The following GUCY1A2 variants were observed in gnomAD, a reference collection of about 807,000 sequenced individuals.
GUCY1A2 encodes the protein guanylate cyclase soluble subunit alpha-2.
GUCY1A2 carries 27 observed loss-of-function variants against 63.5 expected under a neutral mutation model. The ratio of observed to expected loss-of-function variants is 0.43; its 90% CI spans 0.31 to 0.59. The LOEUF (loss-of-function observed/expected upper bound fraction) is 0.59, where lower values mean the gene tolerates loss of function less well. Ranked by LOEUF, GUCY1A2 falls within the 20% of genes least tolerant of loss-of-function variation. GUCY1A2 has a pLI of 0.11. For synonymous variants in GUCY1A2, 364 were observed against 343.5 expected (o/e 1.06, Z -0.66); for missense variants, 768 against 913.3 (o/e 0.84, Z 2.05).
At chr11:106,841,845 C>G (rs573510506) in intron 4 of GUCY1A2, among the ~76,000 whole-genome samples, 1 of 151,992 alleles carries the variant, frequency 6.6e-6, no homozygotes, top group South Asian at 2.1e-4. Context: ...TGAAACCTTT[C>G]CATTAGAATT....
chr11:106,800,513 A>T (rs1220644228), intron 5 of GUCY1A2, among the ~76,000 whole-genome samples: 2 of 152,206 alleles, frequency 1.3e-5, no homozygotes, highest in Non-Finnish European at 2.9e-5. Flanking sequence ...GATAGACTGG[A>T]TTAAGAAAAT....
intron 4 of GUCY1A2, among the ~76,000 whole-genome samples, chr11:106,860,273 T>C (rs1330257712): frequency 3.4e-5 from 5 of 148,582 alleles, no homozygotes; most frequent in South Asian, 2.1e-4. Context: ...AGTATGAACA[T>C]TGATTTTTTT....
chr11:106,708,464 CCCAAAACAAAGG>C, intron 7 of GUCY1A2, 36 bp downstream of exon 7: 1 of 1,514,724 alleles, frequency 6.6e-7, no homozygotes. Context: ...AGCATAGCAG[CCCAAAACAAAGG>C]CCAAGACAGG....
At chr11:107,003,581 T>G (rs936097010) in intron 1 of GUCY1A2, among the ~76,000 whole-genome samples, 8 of 152,206 alleles carry the variant, frequency 5.3e-5, no homozygotes, top group African/African-American at 1.9e-4. Flanking sequence ...CTCTATTTAT[T>G]AAATCAACTG....
intron 4 of GUCY1A2, among the ~76,000 whole-genome samples, chr11:106,926,685 T>C (rs990040601): frequency 3.3e-5 from 5 of 151,856 alleles, no homozygotes; most frequent in African/African-American, 9.7e-5. Flanking sequence ...TGTTATATGA[T>C]AGTGGTGAGA....
At chr11:106,788,335 G>T (rs1299157244) in intron 5 of GUCY1A2, among the ~76,000 whole-genome samples, 1 of 151,842 alleles carries the variant, frequency 6.6e-6, no homozygotes, top group Non-Finnish European at 1.5e-5. Flanking sequence ...CCATTCTGTG[G>T]GTTGTCTCTT....
intron 7 of GUCY1A2, among the ~76,000 whole-genome samples, chr11:106,695,558 T>A (rs974379363): frequency 6.6e-6 from 1 of 152,212 alleles, no homozygotes; most frequent in Non-Finnish European, 1.5e-5. Context: ...TTTTCCTATT[T>A]ACCTTCTTCT....
At chr11:106,830,016 C>T (rs1425497301) in intron 4 of GUCY1A2, among the ~76,000 whole-genome samples, 6 of 152,150 alleles carry the variant, frequency 3.9e-5, no homozygotes, top group African/African-American at 1.4e-4. Flanking sequence ...CCAGCTACGA[C>T]CATATGACCA....
chr11:106,775,376 G>A (rs1327535311), intron 6 of GUCY1A2, among the ~76,000 whole-genome samples: 5 of 151,988 alleles, frequency 3.3e-5, no homozygotes, highest in African/African-American at 1.2e-4. Context: ...AATAATTTGA[G>A]GATAGGATTG....
chr11:106,839,515 A>G (rs1420102535), intron 4 of GUCY1A2, among the ~76,000 whole-genome samples: 2 of 152,056 alleles, frequency 1.3e-5, no homozygotes, highest in Non-Finnish European at 2.9e-5. Flanking sequence ...CTGGGTATAT[A>G]CCCAAAGGAA....
chr11:106,836,134 T>C (rs951917888), intron 4 of GUCY1A2, among the ~76,000 whole-genome samples: 36 of 151,874 alleles, frequency 2.4e-4, no homozygotes, highest in African/African-American at 7.5e-4. Context: ...AAAAGTGCAG[T>C]TGGCCCTGGA....
At chr11:106,785,723 A>G (rs1294737429) in intron 5 of GUCY1A2, among the ~76,000 whole-genome samples, 1 of 152,196 alleles carries the variant, frequency 6.6e-6, no homozygotes, top group African/African-American at 2.4e-5. Flanking sequence ...TTAGATTCCC[A>G]GGCTCCACTT....
At chr11:106,806,120 A>G (rs903025793) in intron 5 of GUCY1A2, among the ~76,000 whole-genome samples, 2 of 152,122 alleles carry the variant, frequency 1.3e-5, no homozygotes, top group Non-Finnish European at 2.9e-5. Context: ...TAATCACATA[A>G]CACACATCCC....
intron 1 of GUCY1A2, among the ~76,000 whole-genome samples, chr11:107,008,185 A>G (rs1861697706): frequency 6.7e-6 from 1 of 148,204 alleles, no homozygotes; most frequent in African/African-American, 2.4e-5. Context: ...AGGCTGAGGC[A>G]GGAGAATCGC....
At chr11:106,953,237 T>C (rs1468263248) in intron 3 of GUCY1A2, among the ~76,000 whole-genome samples, 1 of 152,212 alleles carries the variant, frequency 6.6e-6, no homozygotes, top group Non-Finnish European at 1.5e-5. Context: ...CATGAAGCGA[T>C]GTTCAATTTT....
At chr11:106,818,287 C>A (rs768142098) in intron 4 of GUCY1A2, among the ~76,000 whole-genome samples, 1 of 152,136 alleles carries the variant, frequency 6.6e-6, no homozygotes, top group Non-Finnish European at 1.5e-5. Context: ...GTCTCTGTGT[C>A]ATATTTTGGC....
At chr11:106,919,641 T>C (rs553791773) in intron 4 of GUCY1A2, among the ~76,000 whole-genome samples, 1 of 152,056 alleles carries the variant, frequency 6.6e-6, no homozygotes, top group Non-Finnish European at 1.5e-5. Flanking sequence ...TCAGTTGAGA[T>C]CTGAAGGACA....
chr11:106,867,848 C>T (rs549361927), intron 4 of GUCY1A2, among the ~76,000 whole-genome samples: 15 of 152,042 alleles, frequency 9.9e-5, no homozygotes, highest in Non-Finnish European at 1.8e-4. Flanking sequence ...TTTTAGTGGC[C>T]ATGGCATGGT....
intron 6 of GUCY1A2, among the ~76,000 whole-genome samples, chr11:106,711,770 T>C (rs769261067): frequency 1.3e-5 from 2 of 152,116 alleles, no homozygotes; most frequent in African/African-American, 4.8e-5. Context: ...TTAAAAGTCT[T>C]AATTTTGTCT....
Sources: gnomAD v4.1 joint callset for allele counts (sites outside exome capture counted in the v4.1 genomes callset) on GRCh38, gnomAD v4.1.1 for gene constraint, MANE v1.5 for transcripts, NCBI Gene and HGNC (gene_info 2026-07-23, HGNC 2026-07-21) for gene names.